The following MEGF6 variants were observed in gnomAD, a reference collection of about 807,000 sequenced individuals.
MEGF6 encodes multiple epidermal growth factor-like domains protein 6.
MEGF6 carries 184 observed loss-of-function variants against 207.1 expected under a neutral mutation model. The observed-to-expected ratio is 0.89, with a 90% CI of 0.79 to 1.00. The LOEUF is 1.00. Among genes scored for constraint, MEGF6 ranks in the 50% least tolerant of loss-of-function variants. The pLI is 0.00. For missense variants in MEGF6, 2,282 were observed against 2,202.9 expected, an observed-to-expected ratio of 1.04 and a Z score of -0.72; for synonymous variants, 1,038 against 910.0, an observed-to-expected ratio of 1.14 and a Z score of -2.53.
intron 4 of MEGF6, among the ~76,000 whole-genome samples, chr1:3,566,936 C>T (rs10909971): frequency 0.012 from 1,886 of 152,330 alleles, 36 homozygotes; most frequent in African/African-American, 0.043. Flanking sequence ...ACTCTCACCA[C>T]GGCCCCTACG....
In MEGF6 at chr1:3,610,665, A is replaced by T. The variant is rs528829120; in HGVS notation, c.131+473T>A. Reference sequence around the variant, plus strand: ...TTCCTTCTCCAACAGCCCAAAGCACACATGTTTACCACACAGACCAACTCC... The same window carrying T: ...TTCCTTCTCCAACAGCCCAAAGCACTCATGTTTACCACACAGACCAACTCC... On this transcript the variant is annotated intron_variant, in intron 1 of 36. Coordinates refer to ENST00000356575, the MANE Select transcript of MEGF6 (RefSeq NM_001409.4). Among the ~76,000 whole-genome samples the T allele has an allele frequency of 3.4e-4, 52 of 152,326 alleles. No individual in the cohort carries two copies. In the East Asian group the frequency reaches 9.8e-3, roughly 29 times the overall value.
In MEGF6 at chr1:3,611,316, G is replaced by A. The variant is rs924433676; in HGVS notation, c.-48C>T. On this transcript the variant is annotated 5_prime_UTR_variant, in exon 1 of 37. Coordinates refer to ENST00000356575, the MANE Select transcript of MEGF6 (RefSeq NM_001409.4). Reference sequence around the variant, plus strand: ...GCTCTCCGGCTCACAGGCGGCCCCGGCGGCTCCCCGGAGCCTCCGCCTCCA... The same window carrying A: ...GCTCTCCGGCTCACAGGCGGCCCCGACGGCTCCCCGGAGCCTCCGCCTCCA... 7.1e-7 allele frequency: 1 copy of A among 1,402,650 alleles called. No homozygotes were observed. The highest frequency in any genetic ancestry group is 3.1e-5 in the Admixed American group (1 of 32,292). 86.9% of individuals were successfully genotyped at this position (1,402,650 alleles called of 1,614,324 possible).
rs763896722 is a variant in MEGF6 at position 3,515,423 on chromosome 1, C to G, written c.709G>C (p.Glu237Gln). The change falls in exon 6 of 37, where the codon GAG (glutamate) becomes CAG (glutamine). Residue 237 changes from glutamate to glutamine, a missense_variant. Transcript: ENST00000356575. ...CQCRPGFQLQ[E>Q]DGRHCVRRSP... ...TCACGGACACAATGCCTGCCGTCCT[C>G]CTGGAGCTGGAACCCGGGCCGGCAC... The G allele has an allele frequency of 1.2e-6, 2 of 1,612,244 alleles. No individual in the cohort carries two copies. Among genetic ancestry groups the G allele is most frequent in the Non-Finnish European group, 1.7e-6 (2 of 1,179,806 alleles).
intron 4 of MEGF6, among the ~76,000 whole-genome samples, chr1:3,540,390 G>A (rs991370957): frequency 1.3e-5 from 2 of 152,210 alleles, no homozygotes; most frequent in Non-Finnish European, 2.9e-5. Flanking sequence ...GCTGAAGAAT[G>A]TTGGCCTGGG....
intron 1 of MEGF6, among the ~76,000 whole-genome samples, chr1:3,607,862 G>A (rs956559124): frequency 6.6e-6 from 1 of 152,232 alleles, no homozygotes; most frequent in Non-Finnish European, 1.5e-5. Flanking sequence ...AGAGATGGGC[G>A]GGCATGCTGC....
intron 5 of MEGF6, among the ~76,000 whole-genome samples, chr1:3,517,912 A>T (rs1047862257): frequency 6.6e-6 from 1 of 152,166 alleles, no homozygotes; most frequent in African/African-American, 2.4e-5. Flanking sequence ...GTGTTTTCTC[A>T]AAGGAAAAAA....
intron 7 of MEGF6, among the ~76,000 whole-genome samples, chr1:3,512,689 C>T (rs1399966140): frequency 6.6e-6 from 1 of 152,220 alleles, no homozygotes; most frequent in Non-Finnish European, 1.5e-5. Context: ...TGACTTGCTC[C>T]TCCTGGCCTC....
chr1:3,504,680 G>A (rs12132523), intron 17 of MEGF6, among the ~76,000 whole-genome samples: 6,958 of 152,128 alleles, frequency 0.046, 218 homozygotes, highest in Non-Finnish European at 0.072. Flanking sequence ...CTCCTCCCCT[G>A]CCTGCTATGT....
intron 7 of MEGF6, 94 bp from the exon 8 acceptor site, chr1:3,512,222 A>G: frequency 6.7e-7 from 1 of 1,483,380 alleles, no homozygotes; most frequent in Non-Finnish European, 9.0e-7. Flanking sequence ...GCTGACACCC[A>G]GGGCCTGTGG....
At chr1:3,547,012 C>T (rs1642737166) in intron 4 of MEGF6, 1 of 166,458 alleles carries the variant, frequency 6.0e-6, no homozygotes. Context: ...GCAAGTCTCG[C>T]CATCACCCTG....
chr1:3,523,416 C>T (rs1641838425), intron 5 of MEGF6, among the ~76,000 whole-genome samples: 1 of 152,174 alleles, frequency 6.6e-6, no homozygotes, highest in African/African-American at 2.4e-5. Flanking sequence ...CCTGGCACCT[C>T]CCCTGCTTCC....
upstream of MEGF6, among the ~76,000 whole-genome samples, chr1:3,612,456 T>C (rs2101922637): frequency 6.6e-6 from 1 of 152,288 alleles, no homozygotes; most frequent in Non-Finnish European, 1.5e-5. Context: ...GTCTCAGGGA[T>C]GGAGATGGAG....
chr1:3,537,821 C>T (rs1328632139), intron 4 of MEGF6, among the ~76,000 whole-genome samples: 3 of 152,182 alleles, frequency 2.0e-5, no homozygotes, highest in Admixed American at 6.5e-5. Flanking sequence ...GCGTGTCCCC[C>T]GCAAAAGTGC....
intron 4 of MEGF6, among the ~76,000 whole-genome samples, chr1:3,525,527 G>C (rs1641928895): frequency 6.6e-6 from 1 of 152,260 alleles, no homozygotes; most frequent in South Asian, 2.1e-4. Flanking sequence ...CGTGGCTGAA[G>C]AGAGCAGGGA....
In MEGF6 at chr1:3,501,321, C is replaced by T. The variant is rs776557175; in HGVS notation, c.2315-13G>A. 6.3e-7 allele frequency: 1 copy of T among 1,588,430 alleles called. No individual in the cohort carries two copies. The highest frequency in any genetic ancestry group is 1.1e-5 in the South Asian group (1 of 88,496). ...CCCTCGGGACAATCTAGTGCCCACC[C>T]CCATGGCCAGTCAGTGCCCAAGCTG... On this transcript the variant is annotated splice_polypyrimidine_tract_variant and intron_variant, in intron 18 of 36. Transcript: ENST00000356575.
intron 4 of MEGF6, among the ~76,000 whole-genome samples, chr1:3,547,826 C>T (rs546346559): frequency 6.8e-4 from 103 of 152,322 alleles, no homozygotes; most frequent in African/African-American, 2.4e-3. Flanking sequence ...AGCAGGACTT[C>T]CCCCGGGACT....
At chr1:3,572,233 A>G (rs377687293) in intron 4 of MEGF6, among the ~76,000 whole-genome samples, 612 of 48,208 alleles carry the variant, frequency 0.013, 11 homozygotes, top group African/African-American at 0.048. Flanking sequence ...GTCCTTCCCG[A>G]GTGTGCTGGG....
rs1250946057 is a variant in MEGF6 at position 3,594,983 on chromosome 1, T to C, written c.376+355A>G. Among the ~76,000 whole-genome samples the C allele has an allele frequency of 2.0e-5, 3 of 151,682 alleles. No individual in the cohort carries two copies. The highest frequency in any genetic ancestry group is 4.4e-5 in the Non-Finnish European group (3 of 67,942). ...GGACTCAGGGAGCTGGGGGTGAGCG[T>C]GGTGTGGCAGGTAAACCCCGAACTA... On this transcript the variant is annotated intron_variant, in intron 3 of 36. Coordinates refer to ENST00000356575, the MANE Select transcript of MEGF6 (RefSeq NM_001409.4). This position sits in a 1 kb window ranked among gnomAD's most constrained non-coding sequence, Gnocchi z 4.2.
intron 4 of MEGF6, among the ~76,000 whole-genome samples, chr1:3,537,482 C>CTG (rs1642368486): frequency 6.6e-6 from 1 of 152,248 alleles, no homozygotes; most frequent in Non-Finnish European, 1.5e-5. Flanking sequence ...CCACAACTAC[C>CTG]TGTGTGTGCT....
Sources: allele counts gnomAD v4.1 joint callset (sites outside exome capture counted in the v4.1 genomes callset), GRCh38; gene constraint gnomAD v4.1.1; non-coding constraint Gnocchi (gnomAD v3.1); transcripts MANE v1.5; gene names NCBI Gene and HGNC (gene_info 2026-07-23, HGNC 2026-07-21).